Variants in TOX observed in about 807,000 individuals in gnomAD.
TOX encodes the protein thymocyte selection-associated high mobility group box protein TOX.
TOX carries 11 observed loss-of-function variants against 53.7 expected under a neutral mutation model. The observed-to-expected ratio is 0.20, with a 90% CI of 0.13 to 0.34. TOX has a LOEUF of 0.34. TOX is among the 10% of genes least tolerant of loss of function. The pLI is 1.00. For synonymous variants in TOX, 225 were observed against 245.3 expected, an observed-to-expected ratio of 0.92 and a Z score of 0.77; for missense variants, 570 against 664.6, an observed-to-expected ratio of 0.86 and a Z score of 1.56.
intron 1 of TOX, among the ~76,000 whole-genome samples, chr8:59,071,107 C>T (rs1015169860): frequency 6.6e-6 from 1 of 152,100 alleles, no homozygotes. Context: ...CTACAATAAT[C>T]GTGAAAAGCT....
chr8:58,987,194 C>G (rs1367214964), intron 1 of TOX, among the ~76,000 whole-genome samples: 1 of 152,150 alleles, frequency 6.6e-6, no homozygotes, highest in Non-Finnish European at 1.5e-5. Context: ...ACACGATTTT[C>G]CCTTAGTGTT....
At chr8:59,080,821 C>T (rs1429486093) in intron 1 of TOX, among the ~76,000 whole-genome samples, 1 of 152,152 alleles carries the variant, frequency 6.6e-6, no homozygotes, top group Non-Finnish European at 1.5e-5. Flanking sequence ...AGGTCCCTAC[C>T]AGGCTTCCTG....
chr8:59,087,508 A>G (rs1301809689), intron 1 of TOX, among the ~76,000 whole-genome samples: 1 of 152,096 alleles, frequency 6.6e-6, no homozygotes, highest in Non-Finnish European at 1.5e-5. Context: ...AATTCATAGG[A>G]CTCCAGGTCT....
intron 3 of TOX, among the ~76,000 whole-genome samples, chr8:58,909,508 A>T (rs1236322313): frequency 6.6e-6 from 1 of 152,170 alleles, no homozygotes; most frequent in Non-Finnish European, 1.5e-5. Flanking sequence ...TACAAAAAAA[A>T]AGTTAATTCT....
At chr8:59,029,686 T>A (rs982271034) in intron 1 of TOX, among the ~76,000 whole-genome samples, 6 of 152,170 alleles carry the variant, frequency 3.9e-5, no homozygotes, top group African/African-American at 1.2e-4. Context: ...TTTGTTTGCA[T>A]TGAAAGAGAC....
At chr8:58,907,440 A>C (rs1053550222) in intron 3 of TOX, among the ~76,000 whole-genome samples, 4 of 152,182 alleles carry the variant, frequency 2.6e-5, no homozygotes, top group Non-Finnish European at 5.9e-5. Context: ...CTAAAAATAC[A>C]AAAATTAACT....
At chr8:58,941,963 G>C (rs1284572934) in intron 2 of TOX, among the ~76,000 whole-genome samples, 1 of 150,256 alleles carries the variant, frequency 6.7e-6, no homozygotes, top group African/African-American at 2.5e-5. Flanking sequence ...TGAGGCAGGA[G>C]AATTACTTGA....
At chr8:59,106,033 A>C (rs1238253773) in intron 1 of TOX, among the ~76,000 whole-genome samples, 1 of 152,202 alleles carries the variant, frequency 6.6e-6, no homozygotes, top group Non-Finnish European at 1.5e-5. Flanking sequence ...CAGTGATAGC[A>C]GAAATGAATC....
chr8:59,041,176 T>C (rs1803582205), intron 1 of TOX, among the ~76,000 whole-genome samples: 1 of 152,074 alleles, frequency 6.6e-6, no homozygotes, highest in Non-Finnish European at 1.5e-5. Context: ...AGTATTTTCA[T>C]TTAATAGGTA....
chr8:58,973,277 G>A (rs1159646974), intron 1 of TOX, among the ~76,000 whole-genome samples: 1 of 151,978 alleles, frequency 6.6e-6, no homozygotes, highest in Non-Finnish European at 1.5e-5. Flanking sequence ...TCTATTTTCG[G>A]GCAATGAACC....
At chr8:58,847,302 A>C (rs909857288) in intron 4 of TOX, among the ~76,000 whole-genome samples, 3 of 152,152 alleles carry the variant, frequency 2.0e-5, no homozygotes, top group African/African-American at 7.2e-5. Flanking sequence ...ACATGCTTAC[A>C]AGAATAAAAG....
chr8:58,995,684 GT>G lies in TOX; in HGVS notation c.103-35677del, dbSNP rs570715309. On this transcript the variant is annotated intron_variant, in intron 1 of 8. Coordinates refer to ENST00000361421, the MANE Select transcript of TOX (RefSeq NM_014729.3). The stretch of plus-strand genomic sequence containing the variant: ...GGAAAAATAAATGTGTTTATTTTGT[GT>G]TATAAAAATATGAATTGGGGGAGAG... 1.4e-3 allele frequency among the ~76,000 whole-genome samples: 217 copies of G among 152,286 alleles called. 1 individual carries two copies. Among genetic ancestry groups the G allele is most frequent in the African/African-American group, 4.5e-3 (186 of 41,552 alleles).
At chr8:59,006,155 A>G (rs374353974) in intron 1 of TOX, among the ~76,000 whole-genome samples, 2 of 152,354 alleles carry the variant, frequency 1.3e-5, no homozygotes, top group East Asian at 1.9e-4. Flanking sequence ...TTCTCTGAAC[A>G]TTTATGTTTT....
chr8:58,885,655 T>C (rs1811454173), intron 3 of TOX, among the ~76,000 whole-genome samples: 1 of 152,166 alleles, frequency 6.6e-6, no homozygotes. Flanking sequence ...TGTTTCTCTG[T>C]CTTGTGGCTT....
chr8:59,027,669 C>T (rs753138113), intron 1 of TOX, among the ~76,000 whole-genome samples: 8 of 152,144 alleles, frequency 5.3e-5, no homozygotes, highest in South Asian at 2.1e-4. Context: ...TGATTTTTTA[C>T]GGACTTCATT....
chr8:59,109,691 G>T (rs1804978192), intron 1 of TOX, among the ~76,000 whole-genome samples: 1 of 152,064 alleles, frequency 6.6e-6, no homozygotes, highest in South Asian at 2.1e-4. Flanking sequence ...TATAATGTTG[G>T]TTATAACTAA....
At chr8:59,081,895 C>T (rs1194760132) in intron 1 of TOX, among the ~76,000 whole-genome samples, 1 of 152,218 alleles carries the variant, frequency 6.6e-6, no homozygotes, top group African/African-American at 2.4e-5. Flanking sequence ...TAAGACTATA[C>T]CATTACCAAA....
intron 1 of TOX, among the ~76,000 whole-genome samples, chr8:59,101,568 T>C (rs28626920): frequency 6.6e-6 from 1 of 152,212 alleles, no homozygotes; most frequent in African/African-American, 2.4e-5. Context: ...CTGTTGCAGA[T>C]GAAACTTCAA....
intron 1 of TOX, among the ~76,000 whole-genome samples, chr8:59,070,931 C>T (rs561309002): frequency 2.6e-5 from 4 of 151,958 alleles, no homozygotes; most frequent in African/African-American, 9.7e-5. Flanking sequence ...AACCCCTGTA[C>T]GATAGAGAAA....
Sources: gnomAD v4.1 joint callset for allele counts (sites outside exome capture counted in the v4.1 genomes callset) on GRCh38, gnomAD v4.1.1 for gene constraint, MANE v1.5 for transcripts, NCBI Gene and HGNC (gene_info 2026-07-23, HGNC 2026-07-21) for gene names.